The following PAFAH1B1 variants were observed in gnomAD, a reference collection of about 807,000 sequenced individuals.
PAFAH1B1 encodes platelet activating factor acetylhydrolase 1b regulatory subunit 1.
PAFAH1B1 carries 2 observed loss-of-function variants against 57.5 expected under a neutral mutation model. The ratio of observed to expected loss-of-function variants is 0.03; its 90% confidence interval spans 0.01 to 0.11. The LOEUF (loss-of-function observed/expected upper bound fraction) is 0.11. Among genes scored for constraint, PAFAH1B1 ranks in the 10% least tolerant of loss-of-function variants. The probability of loss-of-function intolerance (pLI) is 1.00; values close to 1 mark genes in which losing one functional copy is unlikely to be tolerated. For missense variants in PAFAH1B1, 257 were observed against 512.0 expected, an observed-to-expected ratio of 0.50 and a Z score of 4.81; for synonymous variants, 152 against 169.6, an observed-to-expected ratio of 0.90 and a Z score of 0.81.
chr17:2,605,624 C>G (rs985235038), intron 1 of PAFAH1B1, among the ~76,000 whole-genome samples: 4 of 152,172 alleles, frequency 2.6e-5, no homozygotes, highest in South Asian at 2.1e-4. Context: ...GCCGCGCCCC[C>G]CTTACTTACG....
chr17:2,678,302 T>C (rs545464694), intron 9 of PAFAH1B1, among the ~76,000 whole-genome samples: 1 of 150,022 alleles, frequency 6.7e-6, no homozygotes, highest in African/African-American at 2.5e-5. Flanking sequence ...TTGGGAAGGC[T>C]GAGGCAGGCA....
intron 2 of PAFAH1B1, among the ~76,000 whole-genome samples, chr17:2,657,694 C>A (rs2068955410): frequency 6.6e-6 from 1 of 152,186 alleles, no homozygotes; most frequent in South Asian, 2.1e-4. Context: ...TAAAAAGATT[C>A]TTCCATTCAG....
At chr17:2,618,076 G>A (rs993934866) in intron 1 of PAFAH1B1, among the ~76,000 whole-genome samples, 2 of 151,948 alleles carry the variant, frequency 1.3e-5, no homozygotes, top group Non-Finnish European at 2.9e-5. Flanking sequence ...GTGAAATCTT[G>A]CCTCCACTAA....
At chr17:2,629,552 T>G (rs1055749911) in intron 1 of PAFAH1B1, among the ~76,000 whole-genome samples, 1 of 152,190 alleles carries the variant, frequency 6.6e-6, no homozygotes, top group Non-Finnish European at 1.5e-5. Flanking sequence ...AGAATGTGTA[T>G]TCTGTGGTTA....
At chr17:2,664,799 C>G (rs1293012412) in intron 2 of PAFAH1B1, among the ~76,000 whole-genome samples, 1 of 152,070 alleles carries the variant, frequency 6.6e-6, no homozygotes, top group African/African-American at 2.4e-5. Context: ...TTCAGCTTCT[C>G]TAACCTTCAA....
At chr17:2,622,804 G>A (rs1157036275) in intron 1 of PAFAH1B1, among the ~76,000 whole-genome samples, 3 of 152,210 alleles carry the variant, frequency 2.0e-5, no homozygotes, top group Non-Finnish European at 1.5e-5. Flanking sequence ...TCTCCATGAG[G>A]GCCCTGTCCC....
intron 1 of PAFAH1B1, among the ~76,000 whole-genome samples, chr17:2,623,261 CTTTTTTT>C (rs376810275): frequency 9.6e-6 from 1 of 103,988 alleles, no homozygotes; most frequent in African/African-American, 3.9e-5. Flanking sequence ...TTTTTCCTTT[CTTTTTTT>C]TTTTTTTTTT....
intron 2 of PAFAH1B1, among the ~76,000 whole-genome samples, chr17:2,643,399 A>G (rs561666037): frequency 6.6e-6 from 1 of 151,926 alleles, no homozygotes; most frequent in East Asian, 1.9e-4. Context: ...GATTACAGGC[A>G]TGAGCCACTG....
rs374691834 is a variant in PAFAH1B1, at chr17:2,675,965, G to T, written c.901-540G>T. Among the ~76,000 whole-genome samples the T allele has an allele frequency of 3.9e-5, 6 of 152,362 alleles. No individual in the cohort carries two copies. In the East Asian group the frequency reaches 9.6e-4, roughly 24 times the overall value. On this transcript the variant is annotated intron_variant, in intron 8 of 10. Coordinates refer to ENST00000397195, the MANE Select transcript of PAFAH1B1 (RefSeq NM_000430.4). ...ATCTTGAAAAGTAAATTTATTATCTGTTGGTTTTATGAAAACTGAGTCCTA... is the reference window on the plus strand; with the variant it reads ...ATCTTGAAAAGTAAATTTATTATCTTTTGGTTTTATGAAAACTGAGTCCTA...
chr17:2,593,440 G>A (rs183339385), upstream of PAFAH1B1: 6 of 152,682 alleles, frequency 3.9e-5, no homozygotes, highest in Non-Finnish European at 8.8e-5. Context: ...GCAGCACCTC[G>A]CACGCAGACT....
chr17:2,616,846 G>A (rs1481337226), intron 1 of PAFAH1B1, among the ~76,000 whole-genome samples: 2 of 151,742 alleles, frequency 1.3e-5, no homozygotes, highest in Admixed American at 6.6e-5. Flanking sequence ...AACAGATCAC[G>A]AGGTCAAGAG....
chr17:2,665,166 TA>T (rs1454510863), intron 2 of PAFAH1B1, among the ~76,000 whole-genome samples: 1 of 152,098 alleles, frequency 6.6e-6, no homozygotes, highest in Admixed American at 6.5e-5. Flanking sequence ...TAACTAAGAA[TA>T]TAATATTATG....
At chr17:2,661,404 T>C (rs2069011309) in intron 2 of PAFAH1B1, among the ~76,000 whole-genome samples, 1 of 152,220 alleles carries the variant, frequency 6.6e-6, no homozygotes, top group Admixed American at 6.5e-5. Flanking sequence ...TTGAGCACCA[T>C]TTATTAATTA....
chr17:2,671,881 G>T (rs192614430), intron 6 of PAFAH1B1, among the ~76,000 whole-genome samples: 329 of 152,158 alleles, frequency 2.2e-3, no homozygotes, highest in African/African-American at 7.7e-3. Context: ...GGGATTACAG[G>T]CATGAACCAC....
chr17:2,593,729 A>C lies in PAFAH1B1; in HGVS notation c.-468A>C. 3.2e-6 allele frequency: 1 copy of C among 313,134 alleles called. No homozygotes were observed. The highest frequency in any genetic ancestry group is 5.8e-6 in the Non-Finnish European group (1 of 172,226). The allele number at this position is 313,134 out of a possible 1,614,324, so 19.4% of individuals were successfully genotyped here. On this transcript the variant is annotated 5_prime_UTR_variant, in exon 1 of 11. Coordinates refer to ENST00000397195, the MANE Select transcript of PAFAH1B1 (RefSeq NM_000430.4). ...CGAGTGAGCGAGCGGAGGAGCAGCGACACGGGAGTCTAGGGAGCGAGAAGG... is the reference window on the plus strand; with the variant it reads ...CGAGTGAGCGAGCGGAGGAGCAGCGCCACGGGAGTCTAGGGAGCGAGAAGG...
intron 4 of PAFAH1B1, among the ~76,000 whole-genome samples, chr17:2,666,683 A>G (rs1040006776): frequency 1.3e-5 from 2 of 152,184 alleles, no homozygotes; most frequent in African/African-American, 2.4e-5. Context: ...GGACCAAGAC[A>G]AATTCACTGC....
chr17:2,677,830 GGCGACA>G (rs1338835798), intron 9 of PAFAH1B1, among the ~76,000 whole-genome samples: 1 of 150,976 alleles, frequency 6.6e-6, no homozygotes, highest in East Asian at 2.0e-4. Flanking sequence ...CTCCAGCCTG[GGCGACA>G]GAGCGAGACT....
intron 1 of PAFAH1B1, among the ~76,000 whole-genome samples, chr17:2,611,698 T>G (rs1242068012): frequency 2.0e-5 from 3 of 152,166 alleles, no homozygotes; most frequent in African/African-American, 7.2e-5. Context: ...GAGTACGTCT[T>G]TACTCTCTCA....
At chr17:2,639,646 G>C (rs2068671670) in intron 2 of PAFAH1B1, 1 of 151,948 alleles carries the variant, frequency 6.6e-6, no homozygotes, top group African/African-American at 2.4e-5. Flanking sequence ...GCCCAGGCTG[G>C]AGTGCAGTGG....
Sources: allele counts gnomAD v4.1 joint callset (sites outside exome capture counted in the v4.1 genomes callset), GRCh38; gene constraint gnomAD v4.1.1; transcripts MANE v1.5; gene names NCBI Gene and HGNC (gene_info 2026-07-23, HGNC 2026-07-21).